SUGCT: variants seen among roughly 807,000 people sequenced by gnomAD.
The protein encoded by SUGCT is succinyl-CoA:glutarate-CoA transferase.
Under a neutral mutation model 55.0 loss-of-function variants are expected in SUGCT, and 41 were observed. The ratio of observed to expected loss-of-function variants is 0.74; its 90% CI spans 0.58 to 0.97. SUGCT has a LOEUF of 0.97. SUGCT is among the 50% of genes least tolerant of loss of function. The probability of loss-of-function intolerance (pLI) is 0.00; values close to 1 mark genes in which losing one functional copy is unlikely to be tolerated. For synonymous variants in SUGCT, 187 were observed against 200.4 expected (o/e 0.93, Z 0.56); for missense variants, 568 against 547.8 (o/e 1.04, Z -0.37).
At chr7:40,557,527 C>T (rs544710696) in intron 12 of SUGCT, among the ~76,000 whole-genome samples, 1 of 152,302 alleles carries the variant, frequency 6.6e-6, no homozygotes, top group African/African-American at 2.4e-5. Flanking sequence ...AATCCCAGCA[C>T]TTTGGTATGC....
intron 12 of SUGCT, among the ~76,000 whole-genome samples, chr7:40,707,509 C>A (rs751820579): frequency 6.6e-6 from 1 of 152,154 alleles, no homozygotes; most frequent in Non-Finnish European, 1.5e-5. Flanking sequence ...GGAAACAAAT[C>A]ATGGAGAATG....
chr7:40,963,763 TC>T, the SUGCT span, among the ~76,000 whole-genome samples: 1 of 151,068 alleles, frequency 6.6e-6, no homozygotes, highest in African/African-American at 2.4e-5. Flanking sequence ...CAGATGTGCC[TC>T]TAGATCTAGA....
intron 9 of SUGCT, among the ~76,000 whole-genome samples, chr7:40,373,689 A>G (rs1784409900): frequency 6.6e-6 from 1 of 152,116 alleles, no homozygotes; most frequent in Admixed American, 6.6e-5. Context: ...TTGGTAAGAA[A>G]CAACAAGATA....
chr7:40,458,204 A>T (rs930256459), intron 10 of SUGCT, among the ~76,000 whole-genome samples: 10 of 152,234 alleles, frequency 6.6e-5, no homozygotes, highest in Admixed American at 6.5e-4. Flanking sequence ...TATATTAATA[A>T]AGGCAATGAA....
chr7:40,215,143 C>CT (rs1282234010), intron 6 of SUGCT, among the ~76,000 whole-genome samples: 3 of 150,982 alleles, frequency 2.0e-5, no homozygotes, highest in South Asian at 2.1e-4. Flanking sequence ...ACTTTGAACA[C>CT]TTTTTTTTTG....
chr7:40,491,945 GCA>G (rs1243483605), intron 11 of SUGCT, among the ~76,000 whole-genome samples: 1 of 152,030 alleles, frequency 6.6e-6, no homozygotes, highest in Non-Finnish European at 1.5e-5. Context: ...AGCCGAGATT[GCA>G]CCACTGAACT....
chr7:40,954,681 G>A, the SUGCT span, among the ~76,000 whole-genome samples: 9 of 152,092 alleles, frequency 5.9e-5, no homozygotes, highest in South Asian at 6.2e-4. Flanking sequence ...GTTGCCATTG[G>A]TTTTGGTGTT....
At chr7:40,882,674 A>G in the SUGCT span, among the ~76,000 whole-genome samples, 1 of 152,232 alleles carries the variant, frequency 6.6e-6, no homozygotes, top group South Asian at 2.1e-4. Flanking sequence ...ACAGGTGAAC[A>G]TTGGCCTTCC....
chr7:40,669,317 A>T (rs375401965), intron 12 of SUGCT, among the ~76,000 whole-genome samples: 1 of 150,334 alleles, frequency 6.7e-6, no homozygotes, highest in Admixed American at 6.6e-5. Flanking sequence ...CCAGAGTCAC[A>T]TAACATAATA....
At chr7:40,377,203 CTT>C (rs368771202) in intron 9 of SUGCT, among the ~76,000 whole-genome samples, 39 of 11,928 alleles carry the variant, frequency 3.3e-3, no homozygotes, top group South Asian at 0.01. Flanking sequence ...TCTTTCTTTT[CTT>C]TTCTTTTCTT....
At chr7:40,876,314 T>C in the SUGCT span, among the ~76,000 whole-genome samples, 2 of 152,278 alleles carry the variant, frequency 1.3e-5, no homozygotes, top group South Asian at 4.1e-4. Context: ...GTAACTTTCC[T>C]AAGTCATAGA....
At chr7:40,622,695 ATGTGTGTGTGTGTT>A (rs999998413) in intron 12 of SUGCT, among the ~76,000 whole-genome samples, 4 of 151,184 alleles carry the variant, frequency 2.6e-5, no homozygotes, top group South Asian at 2.1e-4. Flanking sequence ...ACTTAATAGG[ATGTGTGTGTGTGTT>A]TGTGTGTGTG....
At chr7:40,561,910 T>A (rs1296478534) in intron 12 of SUGCT, among the ~76,000 whole-genome samples, 1 of 148,564 alleles carries the variant, frequency 6.7e-6, no homozygotes, top group African/African-American at 2.5e-5. Flanking sequence ...CAGGCTGGTC[T>A]TGAACTCCTG....
the SUGCT span, among the ~76,000 whole-genome samples, chr7:40,935,232 ATTTTTT>A: frequency 6.6e-6 from 1 of 152,132 alleles, no homozygotes; most frequent in Non-Finnish European, 1.5e-5. Flanking sequence ...AGTCTGTCTA[ATTTTTT>A]AAAATTGATA....
chr7:40,940,884 T>C, the SUGCT span, among the ~76,000 whole-genome samples: 1 of 152,128 alleles, frequency 6.6e-6, no homozygotes, highest in Non-Finnish European at 1.5e-5. Flanking sequence ...GCCTGATTGC[T>C]CTAACTAGCA....
chr7:40,465,688 T>C (rs976789146), intron 11 of SUGCT, among the ~76,000 whole-genome samples: 7 of 152,170 alleles, frequency 4.6e-5, no homozygotes, highest in African/African-American at 1.7e-4. Context: ...TTATTTTGAA[T>C]AGATTTATAC....
intron 12 of SUGCT, among the ~76,000 whole-genome samples, chr7:40,720,137 C>G (rs149232504): frequency 6.6e-6 from 1 of 152,164 alleles, no homozygotes; most frequent in Non-Finnish European, 1.5e-5. Context: ...CTAGTCCCCC[C>G]ACTGCCAGAC....
intron 9 of SUGCT, among the ~76,000 whole-genome samples, chr7:40,359,441 G>A (rs1402259007): frequency 6.6e-6 from 1 of 152,114 alleles, no homozygotes; most frequent in African/African-American, 2.4e-5. Flanking sequence ...CTGACCTCAG[G>A]TAATCTGCCC....
chr7:40,715,431 A>G (rs1378619225), intron 12 of SUGCT, among the ~76,000 whole-genome samples: 1 of 152,140 alleles, frequency 6.6e-6, no homozygotes, highest in Non-Finnish European at 1.5e-5. Context: ...GTCTTCCACT[A>G]CAGGATGGAA....
Sources: allele counts gnomAD v4.1 joint callset (sites outside exome capture counted in the v4.1 genomes callset), GRCh38; gene constraint gnomAD v4.1.1; transcripts MANE v1.5; gene names NCBI Gene and HGNC (gene_info 2026-07-23, HGNC 2026-07-21).